Variants in SFPQ observed in about 807,000 individuals in gnomAD.
SFPQ encodes the protein splicing factor, proline- and glutamine-rich.
Under a neutral mutation model 72.9 loss-of-function variants are expected in SFPQ, and 11 were observed. The observed-to-expected ratio is 0.15, with a 90% confidence interval of 0.09 to 0.25. The LOEUF (loss-of-function observed/expected upper bound fraction) is 0.25, where lower values mean the gene tolerates loss of function less well. Ranked by LOEUF, SFPQ falls within the 10% of genes least tolerant of loss-of-function variation. SFPQ has a pLI of 1.00. For synonymous variants in SFPQ, 506 were observed against 367.3 expected, an observed-to-expected ratio of 1.38 and a Z score of -4.32; for missense variants, 847 against 993.3, an observed-to-expected ratio of 0.85 and a Z score of 1.98.
chr1:35,192,429 G>C lies in SFPQ; in HGVS notation c.621C>G (p.Pro207=). 7.0e-7 allele frequency: 1 copy of C among 1,425,460 alleles called. No individual in the cohort carries two copies. The highest frequency in any genetic ancestry group is 1.4e-5 in the South Asian group (1 of 69,664). The allele number at this position is 1,425,460 out of a possible 1,614,324, so 88.3% of individuals were successfully genotyped here. ...GCCCGCCAGGCATTTTGCCGCCTTT[G>C]GGACCACCCGGACCTGGGCCCTGCT... ...GPKQGPGPGG[P]KGGKMPGGPK... is the part of the protein sequence containing the mutation. Residue 207 remains proline, a synonymous_variant, in exon 1 of 10, where the codon CCC becomes CCG. Coordinates refer to ENST00000357214, the MANE Select transcript of SFPQ (RefSeq NM_005066.3).
intron 9 of SFPQ, 113 bp from the exon 10 acceptor site, chr1:35,184,706 C>T: frequency 7.3e-7 from 1 of 1,363,612 alleles, no homozygotes; most frequent in Non-Finnish European, 9.6e-7. Flanking sequence ...ACCAATGAGT[C>T]GATCCACAGG....
intron 5 of SFPQ, among the ~76,000 whole-genome samples, chr1:35,176,873 C>CAAA (rs10604866): frequency 2.2e-5 from 2 of 91,574 alleles, no homozygotes; most frequent in Non-Finnish European, 2.7e-5. Context: ...GACTCCGTCT[C>CAAA]AAAAAAAAAA....
Position 35,187,091 on chromosome 1 carries a change from T to C in SFPQ, c.1896A>G (p.Pro632=), listed in dbSNP as rs1431474638. 1.9e-6 allele frequency: 3 copies of C among 1,613,788 alleles called. No homozygotes were observed. Among genetic ancestry groups the C allele is most frequent in the Admixed American group, 3.3e-5 (2 of 59,968 alleles). The change falls in exon 9 of 10, where the codon CCA becomes CCG. Residue 632 remains proline, a synonymous_variant. Transcript: ENST00000357214. Reference sequence around the variant, plus strand: ...CTATGCCACCACCACCTCCTAGAGGTGGAAATTTCTGGCCTCCTGAACCAT... The same window carrying C: ...CTATGCCACCACCACCTCCTAGAGGCGGAAATTTCTGGCCTCCTGAACCAT... ...DPYGSGGQKF[P]PLGGGGGIGY...
chr1:35,177,799 T>G (rs1057424867), intron 4 of SFPQ: 6 of 186,006 alleles, frequency 3.2e-5, no homozygotes, highest in African/African-American at 1.2e-4. Context: ...ATTCTATTGT[T>G]TGACATTTTT....
rs1639610049 is a variant in SFPQ, at chr1:35,184,304, T to TA, written c.*151dup. The stretch of plus-strand genomic sequence containing the variant: ...TTCCAAACACTGCATTACATAATTT[T>TA]ACCTGCCCAAACAGACCATTTACAA... On this transcript the variant is annotated 3_prime_UTR_variant, in exon 10 of 10. Transcript: ENST00000357214. 8.4e-5 allele frequency: 121 copies of TA among 1,441,932 alleles called. No individual in the cohort carries two copies. Among genetic ancestry groups the TA allele is most frequent in the Non-Finnish European group, 1.1e-4 (117 of 1,106,034 alleles). The allele number at this position is 1,441,932 out of a possible 1,614,324, so 89.3% of individuals were successfully genotyped here.
At chr1:35,192,077 C>G in intron 1 of SFPQ, 145 bp downstream of exon 1, 3 of 557,936 alleles carry the variant, frequency 5.4e-6, no homozygotes, top group Non-Finnish European at 7.9e-6. Flanking sequence ...ACCGACGGCC[C>G]CGCAGGCCGC....
chr1:35,179,116 A>C, downstream of SFPQ: 1 of 1,058,620 alleles, frequency 9.4e-7, no homozygotes, highest in Non-Finnish European at 1.1e-6. Context: ...TTATCAGCTA[A>C]AGCCAAAACC....
chr1:35,179,630 A>C, downstream of SFPQ: 1 of 1,054,952 alleles, frequency 9.5e-7, no homozygotes, highest in Non-Finnish European at 1.1e-6. Flanking sequence ...AATTAAAGCT[A>C]GTAAGAACAC....
In SFPQ at chr1:35,190,701, G is replaced by A. The variant is rs1323804341; in HGVS notation, c.1312C>T (p.Leu438=). The A allele has an allele frequency of 1.2e-6, 2 of 1,613,220 alleles. No homozygotes were observed. Among genetic ancestry groups the A allele is most frequent in the African/African-American group, 2.7e-5 (2 of 74,832 alleles). Residue 438 remains leucine (L), a synonymous_variant, in exon 3 of 10, where the codon CTG becomes TTG. Transcript: ENST00000357214. ...FERCSEGVFL[L]TTTPRPVIVE... is the part of the protein sequence containing the mutation. ...ATAAACAAGACAACTTACGTCGTCA[G>A]TAAGAAAACACCTTCACTGCATCGT...
chr1:35,181,813 A>G, downstream of SFPQ: 2 of 984,800 alleles, frequency 2.0e-6, no homozygotes, highest in Non-Finnish European at 2.4e-6. Context: ...AATTCACATT[A>G]GGCTAAAAAC....
In SFPQ at chr1:35,183,144, G is replaced by A; in HGVS notation, c.*1312C>T. 1.9e-6 allele frequency: 2 copies of A among 1,025,968 alleles called. No individual in the cohort carries two copies. The highest frequency in any genetic ancestry group is 2.3e-6 in the Non-Finnish European group (2 of 854,312). The allele number at this position is 1,025,968 out of a possible 1,614,324, so 63.6% of individuals were successfully genotyped here. On this transcript the variant is annotated 3_prime_UTR_variant, in exon 10 of 10. Transcript: ENST00000357214. The stretch of plus-strand genomic sequence containing the variant: ...AGATTTTTATAGTCCTATAGATTTT[G>A]CCCAACAGAAGTAGCACAAGGAGAT...
At chr1:35,187,712 C>T (rs892124042) in intron 7 of SFPQ, among the ~76,000 whole-genome samples, 1 of 151,092 alleles carries the variant, frequency 6.6e-6, no homozygotes. Flanking sequence ...GCCTGGGTGA[C>T]AAGAGCAAAA....
At position 35,185,782 on chromosome 1, in the gene SFPQ, T is replaced by C. The variant is rs190316838; in HGVS notation, c.1987-1189A>G. Among the ~76,000 whole-genome samples the C allele has an allele frequency of 4.2e-3, 640 of 152,290 alleles. 7 individuals carry two copies. The highest frequency in any genetic ancestry group is 0.015 in the African/African-American group (607 of 41,554). On this transcript the variant is annotated intron_variant, in intron 9 of 9. Coordinates refer to ENST00000357214, the MANE Select transcript of SFPQ (RefSeq NM_005066.3). ...ATAAATTACAGGGTTTTTGGCTCAT[T>C]GTTCTGTGTTCTACCTCTAAGAACT... is the stretch of plus-strand genomic sequence containing the variant.
chr1:35,191,353 T>C lies in SFPQ; in HGVS notation c.1005A>G (p.Gly335=), dbSNP rs1268193954. 3.7e-6 allele frequency: 6 copies of C among 1,613,762 alleles called. No individual in the cohort carries two copies. In the African/African-American group the frequency reaches 4.0e-5, roughly 11 times the overall value. Residue 335 remains glycine (G), a synonymous_variant, in exon 2 of 10, where the codon GGA becomes GGG. Coordinates refer to ENST00000357214, the MANE Select transcript of SFPQ (RefSeq NM_005066.3). ...CAATTACACTCACAAGCTTAATAAA[T>C]CCGAATCCTTTGCCTTTGTTGATAA... ...EVFINKGKGF[G]FIKLESRALA... is the part of the protein sequence containing the mutation.
At chr1:35,179,698 C>G, downstream of SFPQ, 2 of 1,056,988 alleles carry the variant, frequency 1.9e-6, no homozygotes, top group East Asian at 1.1e-4. Flanking sequence ...TGAAAGTGAA[C>G]AGGGTAAGGC....
intron 6 of SFPQ, 55 bp from the exon 7 acceptor site, chr1:35,188,145 C>T (rs1055183756): frequency 7.5e-7 from 1 of 1,333,726 alleles, no homozygotes; most frequent in Admixed American, 1.7e-5. Flanking sequence ...TTTTAGAATT[C>T]AATGTGAAGA....
chr1:35,180,611 A>T (rs985874505), downstream of SFPQ: 3 of 1,049,702 alleles, frequency 2.9e-6, no homozygotes, highest in Admixed American at 5.5e-5. Flanking sequence ...CATGAAGCCC[A>T]TGTTTTTAAA....
At position 35,189,107 on chromosome 1, in the gene SFPQ, T is replaced by C. The variant is rs771640677; in HGVS notation, c.1613-20A>G. On this transcript the variant is annotated intron_variant, in intron 5 of 9. Coordinates refer to ENST00000357214, the MANE Select transcript of SFPQ (RefSeq NM_005066.3). ...TCAGATCTGAACATTGGAAAATATT[T>C]GGATTCACATTAACAAGGTTCTAAT... 6.2e-7 allele frequency: 1 copy of C among 1,613,302 alleles called. No individual in the cohort carries two copies. Among genetic ancestry groups the C allele is most frequent in the Non-Finnish European group, 8.5e-7 (1 of 1,179,532 alleles).
chr1:35,184,654 A>G (rs770456291), intron 9 of SFPQ, 61 bp from the exon 10 acceptor site: 14 of 1,467,928 alleles, frequency 9.5e-6, no homozygotes, highest in Admixed American at 8.3e-5. Flanking sequence ...TGTTAAGTAA[A>G]TATTTTAGAA....
Sources: allele counts gnomAD v4.1 joint callset (sites outside exome capture counted in the v4.1 genomes callset), GRCh38; gene constraint gnomAD v4.1.1; transcripts MANE v1.5; gene names NCBI Gene and HGNC (gene_info 2026-07-23, HGNC 2026-07-21).